Variants in CHERP observed in about 807,000 individuals in gnomAD.
CHERP encodes calcium homeostasis endoplasmic reticulum protein.
In CHERP, 8 loss-of-function variants were observed where a neutral mutation model predicts 113.8. That is an observed-to-expected ratio of 0.07 (90% CI 0.04 to 0.13). The LOEUF is 0.13. CHERP is among the 10% of genes least tolerant of loss of function. The pLI is 1.00. For synonymous variants in CHERP, 559 were observed against 524.5 expected (o/e 1.07, Z -0.90); for missense variants, 884 against 1,298.2 (o/e 0.68, Z 4.90).
At position 16,519,596 on chromosome 19, in the gene CHERP, C is replaced by T. The variant is rs775906857; in HGVS notation, c.2557+25G>A. 1.9e-5 allele frequency: 30 copies of T among 1,587,924 alleles called. No homozygotes were observed. The highest frequency in any genetic ancestry group is 3.4e-4 in the Middle Eastern group (2 of 5,928). On this transcript the variant is annotated intron_variant, in intron 16 of 16. Transcript: ENST00000546361. This position sits in a 1 kb window ranked among gnomAD's most constrained non-coding sequence, Gnocchi z 6.0. ...CCAGCACGCGTGAGGACCCATCCCG[C>T]GCCCTCCCCATTCCCTCGCCTTACC...
Position 16,518,485 on chromosome 19 carries a change from G to A in CHERP, c.*674C>T, listed in dbSNP as rs947415139. ...ATCAACTTATACAACTAAAATAACT[G>A]AACTAAGGGCCAGTACGCCTTCGAA... On this transcript the variant is annotated 3_prime_UTR_variant, in exon 17 of 17. Transcript: ENST00000546361. 1 of 152,136 alleles carries A rather than the reference G, an allele frequency of 6.6e-6. No homozygotes were observed. Among genetic ancestry groups the A allele is most frequent in the Non-Finnish European group, 1.5e-5 (1 of 68,046 alleles). 9.4% of individuals were successfully genotyped at this position (152,136 alleles called of 1,614,324 possible).
At position 16,541,730 on chromosome 19, in the gene CHERP, G is replaced by A. The variant is rs1599757378; in HGVS notation, c.199+140C>T. On this transcript the variant is annotated intron_variant, in intron 2 of 16. Transcript: ENST00000546361. Reference sequence around the variant, plus strand: ...CTCTGTGCAGGGCCGTGGGAACAGCGGAACAGGGATCGTGTGGACCGAGCT... The same window carrying A: ...CTCTGTGCAGGGCCGTGGGAACAGCAGAACAGGGATCGTGTGGACCGAGCT... 1.1e-5 allele frequency: 10 copies of A among 895,910 alleles called. No homozygotes were observed. In the South Asian group the frequency reaches 1.1e-4, roughly 10 times the overall value. The allele number at this position is 895,910 out of a possible 1,614,324, so 55.5% of individuals were successfully genotyped here.
intron 11 of CHERP, among the ~76,000 whole-genome samples, 163 bp downstream of exon 11, chr19:16,522,889 A>T (rs1421109096): frequency 2.0e-5 from 3 of 152,028 alleles, no homozygotes; most frequent in Non-Finnish European, 4.4e-5. Context: ...ACACCGTGCT[A>T]CTCCGGTTCG....
At position 16,519,582 on chromosome 19, in the gene CHERP, G is replaced by A. The variant is rs1447368519; in HGVS notation, c.2557+39C>T. 2 of 1,555,924 alleles carry A rather than the reference G, an allele frequency of 1.3e-6. No homozygotes were observed. Among genetic ancestry groups the A allele is most frequent in the Non-Finnish European group, 1.8e-6 (2 of 1,127,488 alleles). ...GGTGACTCCCGGGCCCAGCACGCGT[G>A]AGGACCCATCCCGCGCCCTCCCCAT... On this transcript the variant is annotated intron_variant, in intron 16 of 16. Coordinates refer to ENST00000546361, the MANE Select transcript of CHERP (RefSeq NM_006387.6). The surrounding 1 kb of genome is among the most constrained non-coding windows in gnomAD (Gnocchi z 6.0).
rs1195996830 is a variant in CHERP at position 16,541,880 on chromosome 19, C to T, written c.189G>A (p.Glu63=). The stretch of plus-strand genomic sequence containing the variant: ...CCGGAGGGGACTCACGCTGCTGCTG[C>T]TCCAGCGCCAGCTTGCACTTGTAGT... The part of the protein sequence containing the change: ...YSYYKCKLAL[E]QQQLICKQQT... The change falls in exon 2 of 17, where the codon GAG becomes GAA. Residue 63 remains glutamate, a synonymous_variant. Transcript: ENST00000546361. 1.2e-6 allele frequency: 2 copies of T among 1,612,648 alleles called. No homozygotes were observed. Among genetic ancestry groups the T allele is most frequent in the South Asian group, 1.1e-5 (1 of 90,964 alleles).
intron 12 of CHERP, 27 bp downstream of exon 12, chr19:16,521,494 C>G (rs780716264): frequency 6.5e-7 from 1 of 1,539,016 alleles, no homozygotes; most frequent in East Asian, 2.3e-5. Context: ...AGGCCTCCCG[C>G]CCACCCCACT....
Position 16,532,771 on chromosome 19 carries a change from C to A in CHERP, c.523-22G>T. 6.3e-7 allele frequency: 1 copy of A among 1,596,852 alleles called. No homozygotes were observed. Among genetic ancestry groups the A allele is most frequent in the South Asian group, 1.1e-5 (1 of 89,562 alleles). On this transcript the variant is annotated intron_variant, in intron 4 of 16. Coordinates refer to ENST00000546361, the MANE Select transcript of CHERP (RefSeq NM_006387.6). This position sits in a 1 kb window ranked among gnomAD's most constrained non-coding sequence, Gnocchi z 4.4. ...CGGCCTGCAACAACCGAGCCAATGA[C>A]GAGTGAGCAGGGCCGCGGCTCCCCC...
At position 16,535,556 on chromosome 19, in the gene CHERP, C is replaced by T. The variant is rs201715957; in HGVS notation, c.280G>A (p.Ala94Thr). The part of the protein sequence containing the change: ...PLPQPPLAPA[A>T]PIPPAQGAPS... The stretch of plus-strand genomic sequence containing the variant: ...GCGCCCTGGGCCGGCGGGATGGGCG[C>T]GGCGGGGGCCAGCGGGGGCTGTGGC... Residue 94 changes from alanine to threonine, a missense_variant, in exon 3 of 17, where the codon GCG (alanine) becomes ACG (threonine). This residue lies in a region of CHERP where 109 missense variants were observed against 134.2 expected (regional missense o/e 0.81). Coordinates refer to ENST00000546361, the MANE Select transcript of CHERP (RefSeq NM_006387.6). The surrounding 1 kb of genome is among the most constrained non-coding windows in gnomAD (Gnocchi z 4.3). 4.6e-5 allele frequency: 72 copies of T among 1,580,210 alleles called. No homozygotes were observed. Among genetic ancestry groups the T allele is most frequent in the Non-Finnish European group, 5.8e-5 (67 of 1,163,966 alleles).
intron 3 of CHERP, among the ~76,000 whole-genome samples, chr19:16,534,486 A>AT (rs1302883991): frequency 6.6e-6 from 1 of 150,492 alleles, no homozygotes; most frequent in South Asian, 2.1e-4. Flanking sequence ...TTATTTATTT[A>AT]TTTTTTCTGA....
Position 16,535,714 on chromosome 19 carries a change from C to T in CHERP, c.200-78G>A, listed in dbSNP as rs2085737107. On this transcript the variant is annotated intron_variant, in intron 2 of 16. Coordinates refer to ENST00000546361, the MANE Select transcript of CHERP (RefSeq NM_006387.6). The surrounding 1 kb of genome is among the most constrained non-coding windows in gnomAD (Gnocchi z 4.3). Reference sequence around the variant, plus strand: ...TGTCCCCTTGGCCACCTCTCAGCCACAGGGGCCTCCCCCTCCCCAGGGACT... The same window carrying T: ...TGTCCCCTTGGCCACCTCTCAGCCATAGGGGCCTCCCCCTCCCCAGGGACT... The T allele has an allele frequency of 7.5e-7, 1 of 1,338,978 alleles. No individual in the cohort carries two copies. Among genetic ancestry groups the T allele is most frequent in the African/African-American group, 1.5e-5 (1 of 67,732 alleles). The allele number at this position is 1,338,978 out of a possible 1,614,324, so 82.9% of individuals were successfully genotyped here. A position where few individuals can be genotyped will look rare whatever the true frequency, so the allele number is the denominator to read the frequency against.
At chr19:16,539,985 A>G (rs1270682836) in intron 2 of CHERP, 1 of 152,052 alleles carries the variant, frequency 6.6e-6, no homozygotes, top group Non-Finnish European at 1.5e-5. Flanking sequence ...TGTGCCTGGC[A>G]ATACACACAT....
rs753939973 is a variant in CHERP at position 16,530,913 on chromosome 19, C to T, written c.675-33G>A. 1.9e-6 allele frequency: 3 copies of T among 1,605,406 alleles called. No homozygotes were observed. The African/African-American group carries it at 4.0e-5, about 21-fold the overall frequency. ...GGAGAGACTTTCCGCGCGTCAGGGC[C>T]CTGGGGCGGGACCCGGCCACGCGCC... On this transcript the variant is annotated intron_variant, in intron 5 of 16. Transcript: ENST00000546361. The surrounding 1 kb of genome is among the most constrained non-coding windows in gnomAD (Gnocchi z 4.1).
At chr19:16,528,403 G>A in intron 8 of CHERP, 148 bp from the exon 9 acceptor site, 1 of 718,006 alleles carries the variant, frequency 1.4e-6, no homozygotes. Flanking sequence ...ACTATCACTG[G>A]CTTCCAGGAA....
In CHERP at chr19:16,523,844, C is replaced by T. The variant is rs550744656; in HGVS notation, c.1742-554G>A. ...CCCCAGATCCTTAAGACAATACATT[C>T]CAGCTGTTGAAGCCGTCCAGGCTGT... On this transcript the variant is annotated intron_variant, in intron 10 of 16. Coordinates refer to ENST00000546361, the MANE Select transcript of CHERP (RefSeq NM_006387.6). The surrounding 1 kb of genome is among the most constrained non-coding windows in gnomAD (Gnocchi z 4.0). Among the ~76,000 whole-genome samples the T allele has an allele frequency of 6.6e-6, 1 of 152,332 alleles. No individual in the cohort carries two copies. The highest frequency in any genetic ancestry group is 1.5e-5 in the Non-Finnish European group (1 of 68,034).
At chr19:16,526,966 C>A (rs1337912628) in intron 9 of CHERP, among the ~76,000 whole-genome samples, 1 of 152,204 alleles carries the variant, frequency 6.6e-6, no homozygotes, top group Non-Finnish European at 1.5e-5. Context: ...GCCTTGTTGC[C>A]CAGGCTGGTC....
chr19:16,523,706 A>G lies in CHERP; in HGVS notation c.1742-416T>C, dbSNP rs1294315350. The stretch of plus-strand genomic sequence containing the variant: ...ATCCAACGTGACTGTTGCCGTTATA[A>G]TAAGAGATTAGGACACAGACATGTA... On this transcript the variant is annotated intron_variant, in intron 10 of 16. Transcript: ENST00000546361. The surrounding 1 kb of genome is among the most constrained non-coding windows in gnomAD (Gnocchi z 4.0). Among the ~76,000 whole-genome samples, 3 of 152,104 alleles carry G rather than the reference A, an allele frequency of 2.0e-5. No homozygotes were observed. The highest frequency in any genetic ancestry group is 2.1e-4 in the South Asian group (1 of 4,818).
rs2085712511 is a variant in CHERP, at chr19:16,532,419, A to G, written c.674+179T>C. 2 of 699,260 alleles carry G rather than the reference A, an allele frequency of 2.9e-6. No homozygotes were observed. Among genetic ancestry groups the G allele is most frequent in the Admixed American group, 3.1e-5 (1 of 32,412 alleles). 43.3% of individuals were successfully genotyped at this position (699,260 alleles called of 1,614,324 possible). On this transcript the variant is annotated intron_variant, in intron 5 of 16. Transcript: ENST00000546361. The surrounding 1 kb of genome is among the most constrained non-coding windows in gnomAD (Gnocchi z 4.4). ...GGTGCACAGGACACCTAGACCTCGC[A>G]GTCCTGGAGACAGAAGCCTGGTGGC...
At position 16,532,299 on chromosome 19, in the gene CHERP, T is replaced by G; in HGVS notation, c.674+299A>C. 1.5e-5 allele frequency: 5 copies of G among 326,382 alleles called. No homozygotes were observed. Among genetic ancestry groups the G allele is most frequent in the East Asian group, 5.3e-5 (1 of 18,926 alleles). The allele number at this position is 326,382 out of a possible 1,614,324, so 20.2% of individuals were successfully genotyped here. A position where few individuals can be genotyped will look rare whatever the true frequency, so the allele number is the denominator to read the frequency against. On this transcript the variant is annotated intron_variant, in intron 5 of 16. Transcript: ENST00000546361. This position sits in a 1 kb window ranked among gnomAD's most constrained non-coding sequence, Gnocchi z 4.4. ...AAGGAGACGCCAAGAAGCTGCCCCA[T>G]GAGAGGAAGGAGTGCAGGGGACAGT...
Position 16,530,478 on chromosome 19 carries a change from G to T in CHERP, c.876+107C>A. 1 of 999,362 alleles carries T rather than the reference G, an allele frequency of 1.0e-6. No homozygotes were observed. Among genetic ancestry groups the T allele is most frequent in the Non-Finnish European group, 1.6e-6 (1 of 635,278 alleles). The allele number at this position is 999,362 out of a possible 1,614,324, so 61.9% of individuals were successfully genotyped here. ...TACTCCTAGCACAGGCAGGGGACAT[G>T]GGCTCTCTGGCTGCTGGGGTGGCAG... On this transcript the variant is annotated intron_variant, in intron 7 of 16. Coordinates refer to ENST00000546361, the MANE Select transcript of CHERP (RefSeq NM_006387.6). The surrounding 1 kb of genome is among the most constrained non-coding windows in gnomAD (Gnocchi z 4.1).
Sources: gnomAD v4.1 joint callset for allele counts (sites outside exome capture counted in the v4.1 genomes callset) on GRCh38, gnomAD v4.1.1 for gene constraint, gnomAD v4.1.1 regional missense constraint, Gnocchi (gnomAD v3.1) non-coding constraint, MANE v1.5 for transcripts, NCBI Gene and HGNC (gene_info 2026-07-23, HGNC 2026-07-21) for gene names.